The following GLRA3 variants were observed in gnomAD, a reference collection of about 807,000 sequenced individuals.
GLRA3 encodes the protein glycine receptor subunit alpha-3.
In GLRA3, 44 loss-of-function variants were observed where a neutral mutation model predicts 60.4. That is an observed-to-expected ratio of 0.73 (90% CI 0.57 to 0.94). GLRA3 has a LOEUF of 0.94. Among genes scored for constraint, GLRA3 ranks in the 40% least tolerant of loss-of-function variants. The probability of loss-of-function intolerance (pLI) is 0.00; values close to 1 mark genes in which losing one functional copy is unlikely to be tolerated. For missense variants in GLRA3, 508 were observed against 564.6 expected (o/e 0.90, Z 1.02); for synonymous variants, 223 against 192.9 (o/e 1.16, Z -1.29).
intron 5 of GLRA3, among the ~76,000 whole-genome samples, chr4:174,691,179 T>G (rs1734779141): frequency 6.6e-6 from 1 of 152,234 alleles, no homozygotes. Flanking sequence ...CAGCAGCATC[T>G]GTCATTTTTT....
chr4:174,760,972 T>G (rs979423684), intron 3 of GLRA3, among the ~76,000 whole-genome samples: 2 of 152,160 alleles, frequency 1.3e-5, no homozygotes, highest in Non-Finnish European at 2.9e-5. Context: ...AAGCTACATG[T>G]GTATACTTCA....
chr4:174,800,608 C>T (rs1739770981), intron 1 of GLRA3, among the ~76,000 whole-genome samples: 1 of 151,970 alleles, frequency 6.6e-6, no homozygotes, highest in Non-Finnish European at 1.5e-5. Context: ...CAAACCCCCC[C>T]CGCCAAAAAA....
Position 174,692,353 on chromosome 4 carries a change from C to T in GLRA3, c.575-9414G>A, listed in dbSNP as rs1400483515. 2.5e-4 allele frequency among the ~76,000 whole-genome samples: 35 copies of T among 139,884 alleles called. 2 individuals carry two copies. In the South Asian group the frequency reaches 5.4e-3, roughly 22 times the overall value. The allele number at this position is 139,884 out of a possible 152,430, so 91.8% of individuals were successfully genotyped here. On this transcript the variant is annotated intron_variant, in intron 5 of 9. Coordinates refer to ENST00000274093, the MANE Select transcript of GLRA3 (RefSeq NM_006529.4). ...CCCCCGCTCGGCCAGCCGCCACGTC[C>T]GGGAGATGAGGGGCGCCTCTGCCTG... is the stretch of plus-strand genomic sequence containing the variant.
intron 3 of GLRA3, among the ~76,000 whole-genome samples, chr4:174,745,568 T>C (rs1028363611): frequency 7.2e-5 from 11 of 152,274 alleles, no homozygotes; most frequent in Non-Finnish European, 1.2e-4. Flanking sequence ...AAAAAGGACA[T>C]TGGTCTTGGC....
chr4:174,692,189 CA>C (rs1365554085), intron 5 of GLRA3, among the ~76,000 whole-genome samples: 3 of 150,658 alleles, frequency 2.0e-5, no homozygotes, highest in South Asian at 2.1e-4. Flanking sequence ...GGAGCGTCTC[CA>C]CCCAGCAGCC....
chr4:174,694,592 A>G (rs917816120), intron 5 of GLRA3, among the ~76,000 whole-genome samples: 2 of 152,344 alleles, frequency 1.3e-5, no homozygotes, highest in Admixed American at 1.3e-4. Context: ...GGCAGTGTTA[A>G]GAAGGACATT....
intron 2 of GLRA3, among the ~76,000 whole-genome samples, chr4:174,777,978 A>G (rs181604668): frequency 1.3e-5 from 2 of 152,182 alleles, no homozygotes; most frequent in Non-Finnish European, 2.9e-5. Context: ...TTTTCAGCAA[A>G]TGGAGACAAA....
chr4:174,777,267 G>A (rs960403265), intron 2 of GLRA3, among the ~76,000 whole-genome samples: 1 of 152,102 alleles, frequency 6.6e-6, no homozygotes, highest in Non-Finnish European at 1.5e-5. Flanking sequence ...GCAAACTTCT[G>A]AGCTAGAATT....
intron 7 of GLRA3, among the ~76,000 whole-genome samples, chr4:174,670,934 T>C (rs1475729526): frequency 6.6e-6 from 1 of 152,134 alleles, no homozygotes; most frequent in Non-Finnish European, 1.5e-5. Context: ...AATTGGATGG[T>C]ATTCATATAC....
At chr4:174,765,676 C>T (rs1004815873) in intron 3 of GLRA3, among the ~76,000 whole-genome samples, 1 of 151,934 alleles carries the variant, frequency 6.6e-6, no homozygotes, top group Non-Finnish European at 1.5e-5. Context: ...AAGTCTAAAA[C>T]AGGATTATAG....
chr4:174,800,188 A>T, intron 1 of GLRA3, among the ~76,000 whole-genome samples: 1 of 149,262 alleles, frequency 6.7e-6, no homozygotes, highest in Non-Finnish European at 1.5e-5. Flanking sequence ...ATAAAATGAA[A>T]GATAGAGAAT....
At chr4:174,794,442 G>A (rs918099130) in intron 1 of GLRA3, among the ~76,000 whole-genome samples, 28 of 151,836 alleles carry the variant, frequency 1.8e-4, no homozygotes, top group Non-Finnish European at 3.2e-4. Context: ...AGGCAACAGC[G>A]TTAAACAATC....
chr4:174,707,999 A>G (rs181611543), intron 5 of GLRA3, among the ~76,000 whole-genome samples: 96 of 152,316 alleles, frequency 6.3e-4, no homozygotes, highest in African/African-American at 2.3e-3. Flanking sequence ...TTATTTTATA[A>G]GTAGCGAGTT....
intron 9 of GLRA3, among the ~76,000 whole-genome samples, chr4:174,645,284 C>T (rs28519445): frequency 0.047 from 7,082 of 151,580 alleles, 303 homozygotes; most frequent in Admixed American, 0.14. Flanking sequence ...TGGTGGCACA[C>T]GCCTGTAGTC....
intron 9 of GLRA3, among the ~76,000 whole-genome samples, chr4:174,646,547 G>A (rs759018978): frequency 1.2e-4 from 19 of 152,142 alleles, no homozygotes; most frequent in Admixed American, 4.6e-4. Flanking sequence ...GAAGACCTTT[G>A]GCCCATGTGA....
chr4:174,826,528 T>C (rs543967174), intron 1 of GLRA3, among the ~76,000 whole-genome samples: 2 of 152,272 alleles, frequency 1.3e-5, no homozygotes, highest in South Asian at 2.1e-4. Flanking sequence ...TGTAAAACTT[T>C]ATCTAGAGGG....
Position 174,738,748 on chromosome 4 carries a change from T to C in GLRA3, c.268-10050A>G, listed in dbSNP as rs74635501. ...ATGACAAAAAAATTATTTGAAGTGA[T>C]GAGAACACATGTACTAAATTAAGCA... On this transcript the variant is annotated intron_variant, in intron 3 of 9. Transcript: ENST00000274093. Among the ~76,000 whole-genome samples the C allele has an allele frequency of 9.3e-3, 1,418 of 152,332 alleles. 21 individuals carry two copies. Among genetic ancestry groups the C allele is most frequent in the African/African-American group, 0.032 (1,342 of 41,578 alleles).
intron 1 of GLRA3, among the ~76,000 whole-genome samples, chr4:174,791,419 G>C (rs1739341304): frequency 6.6e-6 from 1 of 152,164 alleles, no homozygotes. Context: ...AGAACTGTTA[G>C]AGAATAGATT....
intron 9 of GLRA3, among the ~76,000 whole-genome samples, chr4:174,644,823 T>C (rs947095001): frequency 4.0e-5 from 6 of 151,790 alleles, no homozygotes; most frequent in Non-Finnish European, 8.8e-5. Context: ...AAGAGAATTT[T>C]CCATGTTTGT....
Sources: allele counts gnomAD v4.1 joint callset (sites outside exome capture counted in the v4.1 genomes callset), GRCh38; gene constraint gnomAD v4.1.1; transcripts MANE v1.5; gene names NCBI Gene and HGNC (gene_info 2026-07-23, HGNC 2026-07-21).